The following AIM2 variants were observed in gnomAD, a reference collection of about 807,000 sequenced individuals.
AIM2 encodes absent in melanoma 2.
A neutral mutation model predicts 27.7 loss-of-function variants in AIM2; 30 were observed. The ratio of observed to expected loss-of-function variants is 1.08; its 90% CI spans 0.81 to 1.47. AIM2 has a LOEUF of 1.47. Ranked by LOEUF, AIM2 falls within the 40% of genes most tolerant of loss-of-function variation. The probability of loss-of-function intolerance (pLI) is 0.00; values close to 1 mark genes in which losing one functional copy is unlikely to be tolerated. For missense variants in AIM2, 358 were observed against 411.3 expected, an observed-to-expected ratio of 0.87 and a Z score of 1.12; for synonymous variants, 141 against 145.3, an observed-to-expected ratio of 0.97 and a Z score of 0.21.
intron 1 of AIM2, among the ~76,000 whole-genome samples, chr1:159,127,170 G>A (rs1278841633): frequency 1.3e-5 from 2 of 152,170 alleles, no homozygotes; most frequent in East Asian, 3.8e-4. Context: ...CAAAGAACTA[G>A]TGATGTTCTC....
chr1:159,117,597 T>C (rs1055478363), intron 1 of AIM2, among the ~76,000 whole-genome samples: 1 of 152,132 alleles, frequency 6.6e-6, no homozygotes, highest in Non-Finnish European at 1.5e-5. Context: ...GGAAAAAATA[T>C]GGAAGACATA....
At chr1:159,120,819 A>G (rs1647517796) in intron 1 of AIM2, among the ~76,000 whole-genome samples, 4 of 152,196 alleles carry the variant, frequency 2.6e-5, no homozygotes, top group Admixed American at 2.6e-4. Context: ...GGCATGATCA[A>G]CTGTGTTCCA....
intron 2 of AIM2, among the ~76,000 whole-genome samples, chr1:159,069,550 T>C (rs977154279): frequency 6.6e-6 from 1 of 151,616 alleles, no homozygotes; most frequent in African/African-American, 2.4e-5. Flanking sequence ...TTCTTTCTTT[T>C]TTTTTTTTTT....
At chr1:159,104,903 T>C (rs1160245953) in intron 1 of AIM2, among the ~76,000 whole-genome samples, 1 of 152,086 alleles carries the variant, frequency 6.6e-6, no homozygotes, top group Non-Finnish European at 1.5e-5. Context: ...CGACATAGAG[T>C]TGGTGTGAAA....
At chr1:159,111,800 A>G (rs1657577681) in intron 1 of AIM2, among the ~76,000 whole-genome samples, 1 of 149,944 alleles carries the variant, frequency 6.7e-6, no homozygotes, top group African/African-American at 2.5e-5. Flanking sequence ...TCTACAAAAA[A>G]AAAAAAAAAA....
At chr1:159,137,723 T>C (rs552308944) in intron 1 of AIM2, among the ~76,000 whole-genome samples, 16 of 152,338 alleles carry the variant, frequency 1.1e-4, no homozygotes, top group South Asian at 1.0e-3. Context: ...TGTTTTTATA[T>C]GTTAGAGAGT....
chr1:159,076,602 G>A (rs546327499), intron 1 of AIM2, 31 bp downstream of exon 1: 10 of 152,224 alleles, frequency 6.6e-5, no homozygotes, highest in African/African-American at 2.2e-4. Context: ...TAAGTCTCTC[G>A]TCTCTAACCC....
At chr1:159,090,702 G>C (rs1457736438) in intron 1 of AIM2, among the ~76,000 whole-genome samples, 1 of 152,130 alleles carries the variant, frequency 6.6e-6, no homozygotes, top group Non-Finnish European at 1.5e-5. Context: ...ACCATGAGCT[G>C]TTTGTCTAGT....
chr1:159,132,577 A>G (rs1647916580), intron 1 of AIM2, among the ~76,000 whole-genome samples: 1 of 152,132 alleles, frequency 6.6e-6, no homozygotes, highest in South Asian at 2.1e-4. Flanking sequence ...ATATATTCTG[A>G]CCATACATTC....
chr1:159,072,174 C>T (rs1381988839), intron 2 of AIM2, among the ~76,000 whole-genome samples: 1 of 152,164 alleles, frequency 6.6e-6, no homozygotes, highest in African/African-American at 2.4e-5. Context: ...TAGTTACTGC[C>T]ATCTAAGGGC....
At chr1:159,125,787 A>G (rs565757825) in intron 1 of AIM2, among the ~76,000 whole-genome samples, 3 of 152,258 alleles carry the variant, frequency 2.0e-5, no homozygotes, top group Admixed American at 1.3e-4. Flanking sequence ...GAAGGTGTTT[A>G]AGTAAAAAGT....
chr1:159,098,517 G>T (rs777264282), intron 1 of AIM2, among the ~76,000 whole-genome samples: 4 of 152,172 alleles, frequency 2.6e-5, no homozygotes, highest in Admixed American at 6.5e-5. Flanking sequence ...GGACAACAGA[G>T]ATATAGAATA....
chr1:159,094,591 G>T (rs1020626846), intron 1 of AIM2, among the ~76,000 whole-genome samples: 1 of 152,118 alleles, frequency 6.6e-6, no homozygotes, highest in Non-Finnish European at 1.5e-5. Flanking sequence ...CCTGCTACTC[G>T]GGAGGCTGAA....
At chr1:159,110,506 C>T (rs922674515) in intron 1 of AIM2, among the ~76,000 whole-genome samples, 4 of 151,918 alleles carry the variant, frequency 2.6e-5, no homozygotes, top group African/African-American at 9.7e-5. Flanking sequence ...CTAGCTGTGC[C>T]GTTGGTATAC....
At chr1:159,084,778 T>TACACACACACACACACACAC (rs113134051) in intron 1 of AIM2, among the ~76,000 whole-genome samples, 3 of 135,042 alleles carry the variant, frequency 2.2e-5, no homozygotes, top group Non-Finnish European at 4.7e-5. Flanking sequence ...CTGTCTGAAA[T>TACACACACACACACACACAC]ACACACACAC....
chr1:159,120,352 C>A (rs966579052), intron 1 of AIM2, among the ~76,000 whole-genome samples: 1 of 152,050 alleles, frequency 6.6e-6, no homozygotes, highest in Non-Finnish European at 1.5e-5. Context: ...ATTAGATATG[C>A]AATTCAGTCA....
At chr1:159,061,020 A>G (rs1338536319), downstream of AIM2, among the ~76,000 whole-genome samples, 1 of 152,162 alleles carries the variant, frequency 6.6e-6, no homozygotes, top group Non-Finnish European at 1.5e-5. Context: ...AAGAGTTTCA[A>G]TTGCTCTGTA....
Position 159,065,944 on chromosome 1 carries a change from C to T in AIM2, c.782G>A (p.Gly261Glu), listed in dbSNP as rs1272527942. 5 of 1,613,464 alleles carry T rather than the reference C, an allele frequency of 3.1e-6. No individual in the cohort carries two copies. In the Admixed American group the frequency reaches 8.3e-5, roughly 27 times the overall value. ...TACAAACAAACCATTCACAATTGTT[C>T]CAAGGGGCTGAGTTTGAAGCGTGTT... ...KINTLQTQPL[G>E]TIVNGLFVVQ... Residue 261 changes from glycine to glutamate, a missense_variant, in exon 4 of 6, where the codon GGA (glycine) becomes GAA (glutamate). Coordinates refer to ENST00000368130, the MANE Select transcript of AIM2 (RefSeq NM_004833.3).
intron 1 of AIM2, among the ~76,000 whole-genome samples, chr1:159,084,211 G>C (rs557129936): frequency 4.4e-4 from 67 of 152,178 alleles, no homozygotes; most frequent in Non-Finnish European, 6.6e-4. Context: ...ACTCTGCCCT[G>C]CTTTTTGGCA....
Sources: gnomAD v4.1 joint callset for allele counts (sites outside exome capture counted in the v4.1 genomes callset) on GRCh38, gnomAD v4.1.1 for gene constraint, MANE v1.5 for transcripts, NCBI Gene and HGNC (gene_info 2026-07-23, HGNC 2026-07-21) for gene names.